Variants in RPGRIP1 observed in about 807,000 individuals in gnomAD.
The protein encoded by RPGRIP1 is X-linked retinitis pigmentosa GTPase regulator-interacting protein 1.
Under a neutral mutation model 157.9 loss-of-function variants are expected in RPGRIP1, and 128 were observed. The observed-to-expected ratio is 0.81, with a 90% CI of 0.70 to 0.94. The LOEUF (loss-of-function observed/expected upper bound fraction) is 0.94. RPGRIP1 is among the 40% of genes least tolerant of loss of function. The probability of loss-of-function intolerance (pLI) is 0.00; values close to 1 mark genes in which losing one functional copy is unlikely to be tolerated. For synonymous variants in RPGRIP1, 554 were observed against 571.6 expected, an observed-to-expected ratio of 0.97 and a Z score of 0.44; for missense variants, 1,486 against 1,545.8, an observed-to-expected ratio of 0.96 and a Z score of 0.65.
chr14:21,294,728 T>G lies in RPGRIP1; in HGVS notation c.137T>G (p.Leu46Trp). The G allele has an allele frequency of 6.2e-7, 1 of 1,613,404 alleles. No individual in the cohort carries two copies. Among genetic ancestry groups the G allele is most frequent in the East Asian group, 2.2e-5 (1 of 44,862 alleles). ...PPLSRMNREE[L>W]EDSFFRLRED... is the part of the protein sequence containing the mutation. ...TTGAGCAGGATGAACCGGGAGGAAT[T>G]GGAGGACAGTTTCTTTCGACTTCGC... is the stretch of plus-strand genomic sequence containing the variant. Residue 46 changes from leucine to tryptophan, a missense_variant, in exon 3 of 25, where the codon TTG becomes TGG. Leu to Trp is a moderately conservative substitution (Grantham distance 61, BLOSUM62 -2). Coordinates refer to ENST00000400017, the MANE Select transcript of RPGRIP1 (RefSeq NM_020366.4).
In RPGRIP1 at chr14:21,342,907, AATAATATAGTAG is replaced by A. The variant is rs1300881321; in HGVS notation, c.3340-125_3340-114del. 6.6e-6 allele frequency: 4 copies of A among 604,506 alleles called. No individual in the cohort carries two copies. The East Asian group carries it at 9.1e-5, about 14-fold the overall frequency. The allele number at this position is 604,506 out of a possible 1,614,324, so 37.4% of individuals were successfully genotyped here. Reference sequence around the variant, plus strand: ...TTTACCTATAAAAGGATTCTCAGGGAATAATATAGTAGATAGATTATACCTATGGTTGATTTC... The same window carrying A: ...TTTACCTATAAAAGGATTCTCAGGGAATAGATTATACCTATGGTTGATTTC... On this transcript the variant is annotated intron_variant, in intron 21 of 24. Transcript: ENST00000400017.
intron 3 of RPGRIP1, among the ~76,000 whole-genome samples, chr14:21,298,926 TGA>T (rs2139152920): frequency 8.2e-6 from 1 of 121,448 alleles, no homozygotes; most frequent in South Asian, 2.6e-4. Flanking sequence ...AGCAACAGAG[TGA>T]GACTCTGTCT....
At chr14:21,331,078 T>G (rs539685109) in intron 20 of RPGRIP1, among the ~76,000 whole-genome samples, 2 of 151,864 alleles carry the variant, frequency 1.3e-5, no homozygotes, top group African/African-American at 4.8e-5. Flanking sequence ...CCCGGCTAAT[T>G]TTGTATTTTT....
At chr14:21,343,406 G>A (rs1480545006) in intron 22 of RPGRIP1, among the ~76,000 whole-genome samples, 178 bp downstream of exon 22, 1 of 152,178 alleles carries the variant, frequency 6.6e-6, no homozygotes, top group African/African-American at 2.4e-5. Flanking sequence ...CATTTTACAT[G>A]AAGCAGGCCT....
At chr14:21,297,834 ATTCTTTCTTTCT>A (rs55920234) in intron 3 of RPGRIP1, among the ~76,000 whole-genome samples, 6 of 133,216 alleles carry the variant, frequency 4.5e-5, no homozygotes, top group Admixed American at 2.3e-4. Flanking sequence ...TCAATAAATT[ATTCTTTCTTTCT>A]TTCTTTCTTT....
rs758465870 is a variant in RPGRIP1 at position 21,294,702 on chromosome 14, C to A, written c.111C>A (p.Pro37=). 3.4e-5 allele frequency: 55 copies of A among 1,613,490 alleles called. No individual in the cohort carries two copies. The highest frequency in any genetic ancestry group is 4.7e-5 in the Non-Finnish European group (55 of 1,179,696). The change falls in exon 3 of 25, where the codon CCC becomes CCA. Residue 37 remains proline (P), a synonymous_variant. Transcript: ENST00000400017. ...SKGKNMKTQP[P]LSRMNREELE... is the part of the protein sequence containing the mutation. Reference sequence around the variant, plus strand: ...GTAAGAATATGAAAACTCAACCACCCTTGAGCAGGATGAACCGGGAGGAAT... The same window carrying A: ...GTAAGAATATGAAAACTCAACCACCATTGAGCAGGATGAACCGGGAGGAAT...
chr14:21,283,352 G>T (rs372612852), intron 1 of RPGRIP1, among the ~76,000 whole-genome samples: 2 of 152,214 alleles, frequency 1.3e-5, no homozygotes, highest in African/African-American at 4.8e-5. Flanking sequence ...GCCCAGGCTG[G>T]AGTGCAATGG....
At chr14:21,307,630 A>C in intron 6 of RPGRIP1, 101 bp from the exon 7 acceptor site, 1 of 726,582 alleles carries the variant, frequency 1.4e-6, no homozygotes, top group Non-Finnish European at 2.4e-6. Flanking sequence ...CGGGAAGGCA[A>C]GAGACAAGAG....
In RPGRIP1 at chr14:21,328,463, C is replaced by T. The variant is rs1371805993; in HGVS notation, c.2935C>T (p.Gln979Ter). 1 of 1,613,612 alleles carries T rather than the reference C, an allele frequency of 6.2e-7. No homozygotes were observed. The highest frequency in any genetic ancestry group is 1.6e-4 in the Middle Eastern group (1 of 6,062). Residue 979 changes from glutamine (Q) to a stop codon, truncating the protein, a stop_gained, in exon 19 of 25, where the codon CAG (glutamine) becomes TAG (stop). Transcript: ENST00000400017. LOFTEE classifies it high-confidence loss of function. ...ASPEVPIEAG[Q>*]YRSKRKPPHG... ...TCCTGAGGTTCCCATTGAAGCTGGCCAGTATCGATCTAAGAGAAAACCTCC... is the reference window on the plus strand; with the variant it reads ...TCCTGAGGTTCCCATTGAAGCTGGCTAGTATCGATCTAAGAGAAAACCTCC...
At chr14:21,280,346 C>T (rs573207305) in intron 1 of RPGRIP1, among the ~76,000 whole-genome samples, 187 bp downstream of exon 1, 4 of 148,932 alleles carry the variant, frequency 2.7e-5, no homozygotes, top group South Asian at 4.2e-4. Context: ...CAGGTTCAAG[C>T]GATTCTCCTG....
intron 23 of RPGRIP1, among the ~76,000 whole-genome samples, chr14:21,347,820 C>G (rs1885717257): frequency 6.6e-6 from 1 of 152,150 alleles, no homozygotes. Context: ...CCTCGACCTC[C>G]TGGGCTCAAG....
intron 2 of RPGRIP1, among the ~76,000 whole-genome samples, chr14:21,288,403 A>G (rs1181938191): frequency 1.3e-5 from 2 of 151,836 alleles, no homozygotes; most frequent in African/African-American, 4.8e-5. Flanking sequence ...CTGGTCTCAA[A>G]TTCCTGACCT....
chr14:21,342,085 G>A (rs1473339956), intron 21 of RPGRIP1, among the ~76,000 whole-genome samples: 4 of 151,900 alleles, frequency 2.6e-5, no homozygotes, highest in East Asian at 1.9e-4. Flanking sequence ...CCTGTGGGAG[G>A]GCAGGGTGGT....
intron 10 of RPGRIP1, among the ~76,000 whole-genome samples, chr14:21,314,613 C>T (rs1183054834): frequency 2.0e-5 from 3 of 150,644 alleles, no homozygotes; most frequent in African/African-American, 2.4e-5. Flanking sequence ...ATTAGCCAGC[C>T]AGGCGCGGAG....
chr14:21,338,260 C>A (rs1336591116), intron 21 of RPGRIP1, among the ~76,000 whole-genome samples: 1 of 152,190 alleles, frequency 6.6e-6, no homozygotes, highest in Admixed American at 6.5e-5. Flanking sequence ...CAATCATTTT[C>A]ATTTGCTCTA....
chr14:21,310,664 G>T, intron 8 of RPGRIP1, 57 bp downstream of exon 8: 2 of 988,594 alleles, frequency 2.0e-6, no homozygotes, highest in Non-Finnish European at 3.0e-6. Context: ...CAAACCCAAA[G>T]AAATCTATGT....
intron 3 of RPGRIP1, among the ~76,000 whole-genome samples, chr14:21,295,768 G>A (rs1469767530): frequency 1.3e-5 from 2 of 152,050 alleles, no homozygotes; most frequent in South Asian, 2.1e-4. Context: ...GAGCCACCAC[G>A]CCAGCCAATT....
At chr14:21,336,550 G>A (rs942731980) in intron 21 of RPGRIP1, among the ~76,000 whole-genome samples, 3 of 152,042 alleles carry the variant, frequency 2.0e-5, no homozygotes, top group Non-Finnish European at 2.9e-5. Flanking sequence ...CAACAGCAAC[G>A]ACAAAACCAG....
chr14:21,305,718 G>A (rs10149594), intron 6 of RPGRIP1, among the ~76,000 whole-genome samples: 3,982 of 152,186 alleles, frequency 0.026, 172 homozygotes, highest in African/African-American at 0.091. Flanking sequence ...AAAATTAGCC[G>A]GGTGTGATGG....
Sources: gnomAD v4.1 joint callset for allele counts (sites outside exome capture counted in the v4.1 genomes callset) on GRCh38, gnomAD v4.1.1 for gene constraint, MANE v1.5 for transcripts, NCBI Gene and HGNC (gene_info 2026-07-23, HGNC 2026-07-21) for gene names.